The following STAG1 variants were observed in gnomAD, a reference collection of about 807,000 sequenced individuals.
The protein encoded by STAG1 is cohesin subunit SA-1.
A neutral mutation model predicts 170.9 loss-of-function variants in STAG1; 26 were observed. The ratio of observed to expected loss-of-function variants is 0.15; its 90% confidence interval spans 0.11 to 0.21. The LOEUF (loss-of-function observed/expected upper bound fraction) is 0.21. STAG1 is among the 10% of genes least tolerant of loss of function. STAG1 has a pLI of 1.00. For synonymous variants in STAG1, 514 were observed against 497.7 expected (o/e 1.03, Z -0.44); for missense variants, 964 against 1,509.5 (o/e 0.64, Z 5.99).
intron 15 of STAG1, among the ~76,000 whole-genome samples, chr3:136,439,194 C>CAAAAAAAAAAAAAAAAAACCAAAAAAA (rs2088552809): frequency 1.6e-5 from 1 of 63,646 alleles, no homozygotes; most frequent in Non-Finnish European, 2.8e-5. Context: ...GACCCAGACT[C>CAAAAAAAAAAAAAAAAAACCAAAAAAA]AAAAAAAAAA....
At chr3:136,529,337 T>C (rs1055377598) in intron 6 of STAG1, among the ~76,000 whole-genome samples, 9 of 152,170 alleles carry the variant, frequency 5.9e-5, no homozygotes, top group African/African-American at 1.9e-4. Flanking sequence ...TGGCACGTTA[T>C]AGTCAAACTG....
chr3:136,504,281 A>G (rs965334677), intron 7 of STAG1, among the ~76,000 whole-genome samples: 1 of 152,206 alleles, frequency 6.6e-6, no homozygotes, highest in Non-Finnish European at 1.5e-5. Flanking sequence ...GTTAGTGACC[A>G]TTACAATGCA....
intron 5 of STAG1, among the ~76,000 whole-genome samples, chr3:136,560,402 A>C (rs1643320297): frequency 6.6e-6 from 1 of 152,226 alleles, no homozygotes; most frequent in African/African-American, 2.4e-5. Context: ...GTATACTTTG[A>C]ATATATGGAG....
chr3:136,571,400 C>T (rs931569607), intron 4 of STAG1, among the ~76,000 whole-genome samples: 10 of 152,088 alleles, frequency 6.6e-5, no homozygotes, highest in African/African-American at 1.4e-4. Context: ...GAAACCCTGT[C>T]TCTACAAAAA....
chr3:136,608,828 C>T (rs1338606814), intron 3 of STAG1, among the ~76,000 whole-genome samples: 2 of 146,060 alleles, frequency 1.4e-5, no homozygotes, highest in Non-Finnish European at 3.0e-5. Flanking sequence ...AAGAACTAGA[C>T]ACTATGTTTT....
intron 1 of STAG1, among the ~76,000 whole-genome samples, chr3:136,689,020 A>G (rs1942631312): frequency 6.6e-6 from 1 of 152,240 alleles, no homozygotes; most frequent in South Asian, 2.1e-4. Context: ...GCCAAATTAA[A>G]TGTACCTGTT....
chr3:136,663,417 C>G (rs1412804122), intron 1 of STAG1, among the ~76,000 whole-genome samples: 3 of 152,048 alleles, frequency 2.0e-5, no homozygotes, highest in Non-Finnish European at 4.4e-5. Context: ...TTATAAGTGG[C>G]AGAATTTAAT....
intron 1 of STAG1, among the ~76,000 whole-genome samples, chr3:136,701,392 A>G (rs984222848): frequency 1.3e-5 from 2 of 152,122 alleles, no homozygotes; most frequent in African/African-American, 4.8e-5. Context: ...CACCACCACC[A>G]TTCCCATCCT....
intron 6 of STAG1, among the ~76,000 whole-genome samples, chr3:136,522,345 T>A (rs1474029191): frequency 6.6e-6 from 1 of 151,822 alleles, no homozygotes; most frequent in Non-Finnish European, 1.5e-5. Context: ...GGACTCAGAG[T>A]CAAAATCCCA....
chr3:136,607,261 T>C (rs765051468), intron 3 of STAG1, among the ~76,000 whole-genome samples: 9 of 152,210 alleles, frequency 5.9e-5, no homozygotes, highest in Non-Finnish European at 8.8e-5. Context: ...CTCCACCTCA[T>C]TGAGGAAGTA....
chr3:136,516,966 G>T (rs991229140), intron 7 of STAG1, among the ~76,000 whole-genome samples: 7 of 152,088 alleles, frequency 4.6e-5, no homozygotes, highest in African/African-American at 1.7e-4. Context: ...CAAATAAAAA[G>T]ACTTCAATTT....
intron 1 of STAG1, among the ~76,000 whole-genome samples, chr3:136,690,390 C>T (rs1271706052): frequency 6.6e-6 from 1 of 152,224 alleles, no homozygotes; most frequent in Non-Finnish European, 1.5e-5. Flanking sequence ...GCCCACGCCA[C>T]CATGCCCAAC....
At chr3:136,609,841 T>C (rs754274441) in intron 3 of STAG1, among the ~76,000 whole-genome samples, 1 of 152,128 alleles carries the variant, frequency 6.6e-6, no homozygotes, top group African/African-American at 2.4e-5. Context: ...TACTGAATTG[T>C]TGTCGGAGGC....
At chr3:136,735,217 C>T (rs1934266618) in intron 1 of STAG1, among the ~76,000 whole-genome samples, 1 of 151,724 alleles carries the variant, frequency 6.6e-6, no homozygotes, top group Non-Finnish European at 1.5e-5. Flanking sequence ...CCTTGACCTC[C>T]TGGGTTCAAG....
At chr3:136,574,714 T>A (rs975072334) in intron 4 of STAG1, among the ~76,000 whole-genome samples, 8 of 152,136 alleles carry the variant, frequency 5.3e-5, no homozygotes, top group African/African-American at 1.9e-4. Flanking sequence ...AGAGGCAAAT[T>A]CATAGCCATG....
intron 6 of STAG1, among the ~76,000 whole-genome samples, chr3:136,529,036 G>A (rs1256426779): frequency 6.6e-6 from 1 of 151,920 alleles, no homozygotes; most frequent in African/African-American, 2.4e-5. Flanking sequence ...AAATACATTT[G>A]CAAGCTTCAA....
At chr3:136,579,229 A>G (rs1937541446) in intron 4 of STAG1, among the ~76,000 whole-genome samples, 1 of 152,170 alleles carries the variant, frequency 6.6e-6, no homozygotes, top group Non-Finnish European at 1.5e-5. Flanking sequence ...AACAAGAACC[A>G]CTCAAAGCAA....
intron 16 of STAG1, among the ~76,000 whole-genome samples, chr3:136,424,141 T>C (rs553684998): frequency 1.4e-4 from 22 of 152,170 alleles, no homozygotes; most frequent in African/African-American, 4.8e-4. Context: ...CTTTTAAGCA[T>C]ATAAAATAAT....
rs762160605 is a variant in STAG1, at chr3:136,377,696, C to G, written c.2334G>C (p.Gln778His). Residue 778 changes from glutamine (Q) to histidine (H), a missense_variant, in exon 23 of 34, where the codon CAG becomes CAC. Around this residue, in one of 11 missense-constraint regions of STAG1, gnomAD observed 232 missense variants for 313.0 expected, o/e 0.74. Transcript: ENST00000383202. Reference sequence around the variant, plus strand: ...CTGGAGTATTAACATTAGACAGGCACTGCTGGCAAACAGCCAAAAAGGATT... The same window carrying G: ...CTGGAGTATTAACATTAGACAGGCAGTGCTGGCAAACAGCCAAAAAGGATT... ...TVKSFLAVCQ[Q>H]CLSNVNTPVK... 1 of 1,614,050 alleles carries G rather than the reference C, an allele frequency of 6.2e-7. No individual in the cohort carries two copies. Among genetic ancestry groups the G allele is most frequent in the Non-Finnish European group, 8.5e-7 (1 of 1,180,002 alleles).
Sources: gnomAD v4.1 joint callset for allele counts (sites outside exome capture counted in the v4.1 genomes callset) on GRCh38, gnomAD v4.1.1 for gene constraint, gnomAD v4.1.1 regional missense constraint, MANE v1.5 for transcripts, NCBI Gene and HGNC (gene_info 2026-07-23, HGNC 2026-07-21) for gene names.